Variants in GRID2 observed in about 807,000 individuals in gnomAD.
GRID2 encodes the protein glutamate ionotropic receptor delta type subunit 2, also known as glutamate receptor ionotropic, delta-2.
Under a neutral mutation model 114.8 loss-of-function variants are expected in GRID2, and 33 were observed. The ratio of observed to expected loss-of-function variants is 0.29; its 90% CI spans 0.22 to 0.38. The LOEUF is 0.38. GRID2 is among the 10% of genes least tolerant of loss of function. The probability of loss-of-function intolerance (pLI) is 1.00; values close to 1 mark genes in which losing one functional copy is unlikely to be tolerated. For synonymous variants in GRID2, 505 were observed against 449.9 expected, an observed-to-expected ratio of 1.12 and a Z score of -1.55; for missense variants, 1,184 against 1,257.7, an observed-to-expected ratio of 0.94 and a Z score of 0.89.
At chr4:92,990,307 G>GTA (rs1342685335) in intron 2 of GRID2, among the ~76,000 whole-genome samples, 10 of 106,780 alleles carry the variant, frequency 9.4e-5, no homozygotes, top group African/African-American at 2.2e-4. Context: ...ATATATATAT[G>GTA]TGTGTGTGTG....
intron 4 of GRID2, among the ~76,000 whole-genome samples, chr4:93,134,647 A>G (rs1469886720): frequency 6.6e-6 from 1 of 152,012 alleles, no homozygotes; most frequent in Admixed American, 6.6e-5. Context: ...TTTTACCTTT[A>G]TGCAAATATT....
chr4:93,023,129 GTA>G (rs1355431731), intron 2 of GRID2, among the ~76,000 whole-genome samples: 65 of 149,092 alleles, frequency 4.4e-4, no homozygotes, highest in Non-Finnish European at 6.6e-4. Context: ...GTGTGTGTAT[GTA>G]TGTGTGTGTG....
intron 8 of GRID2, among the ~76,000 whole-genome samples, chr4:93,373,326 C>A (rs1763097078): frequency 6.6e-6 from 1 of 151,412 alleles, no homozygotes; most frequent in African/African-American, 2.4e-5. Context: ...TTTTCCAGGA[C>A]AACCTAGAAA....
intron 10 of GRID2, among the ~76,000 whole-genome samples, chr4:93,445,651 T>C (rs1722025786): frequency 6.6e-6 from 1 of 151,994 alleles, no homozygotes; most frequent in Admixed American, 6.6e-5. Context: ...AAAATTCCTT[T>C]TCCCACATTT....
chr4:92,979,787 A>G (rs140516094), intron 2 of GRID2, among the ~76,000 whole-genome samples: 126 of 152,272 alleles, frequency 8.3e-4, no homozygotes, highest in Non-Finnish European at 1.0e-3. Context: ...GCCAGCTCAC[A>G]TTGCTTGTGC....
intron 1 of GRID2, among the ~76,000 whole-genome samples, chr4:92,514,554 G>C (rs564550939): frequency 1.3e-3 from 191 of 151,928 alleles, no homozygotes; most frequent in South Asian, 0.011. Context: ...TAGATATACT[G>C]TTACTACCAC....
intron 3 of GRID2, among the ~76,000 whole-genome samples, chr4:93,090,849 A>G (rs963272526): frequency 2.6e-5 from 4 of 152,124 alleles, no homozygotes; most frequent in African/African-American, 7.2e-5. Flanking sequence ...GTGGAAGACA[A>G]ACAAATATTA....
chr4:92,633,475 C>A (rs1317181386), intron 2 of GRID2, among the ~76,000 whole-genome samples: 1 of 152,104 alleles, frequency 6.6e-6, no homozygotes, highest in African/African-American at 2.4e-5. Flanking sequence ...TAGATAGCAA[C>A]AAATTTTTCA....
chr4:93,698,204 C>A (rs1370022022), intron 14 of GRID2, among the ~76,000 whole-genome samples: 1 of 151,880 alleles, frequency 6.6e-6, no homozygotes, highest in Non-Finnish European at 1.5e-5. Context: ...GCTGTGAATT[C>A]CAAATGCGTG....
chr4:92,647,978 A>G (rs1372000862), intron 2 of GRID2, among the ~76,000 whole-genome samples: 1 of 149,770 alleles, frequency 6.7e-6, no homozygotes, highest in Non-Finnish European at 1.5e-5. Flanking sequence ...TATACAGATT[A>G]AGGAAGTAAA....
chr4:92,935,131 C>T (rs1196400231), intron 2 of GRID2, among the ~76,000 whole-genome samples: 1 of 146,232 alleles, frequency 6.8e-6, no homozygotes, highest in Non-Finnish European at 1.5e-5. Flanking sequence ...ATTTTCACAA[C>T]CTACTCATCT....
Position 93,144,142 on chromosome 4 carries a change from A to C in GRID2, c.735+33189A>C, listed in dbSNP as rs530258418. Among the ~76,000 whole-genome samples, 8 of 152,284 alleles carry C rather than the reference A, an allele frequency of 5.3e-5. No homozygotes were observed. In the East Asian group the frequency reaches 1.5e-3, roughly 29 times the overall value. The stretch of plus-strand genomic sequence containing the variant: ...TAATTTACATTTCTAACAAGTTGCC[A>C]GGAGGTGCTCATATTGCTGGTCTAG... On this transcript the variant is annotated intron_variant, in intron 4 of 15. Coordinates refer to ENST00000282020, the MANE Select transcript of GRID2 (RefSeq NM_001510.4).
At chr4:93,230,832 G>C (rs775118989) in intron 7 of GRID2, among the ~76,000 whole-genome samples, 1 of 151,992 alleles carries the variant, frequency 6.6e-6, no homozygotes, top group Non-Finnish European at 1.5e-5. Context: ...CCCTATTTAA[G>C]TTTTAATATG....
At chr4:92,907,371 A>C (rs562371979) in intron 2 of GRID2, among the ~76,000 whole-genome samples, 10 of 152,206 alleles carry the variant, frequency 6.6e-5, no homozygotes, top group Non-Finnish European at 1.0e-4. Context: ...TACCTCTTAG[A>C]ATATTATCTA....
intron 14 of GRID2, among the ~76,000 whole-genome samples, chr4:93,766,284 C>G (rs1017614747): frequency 6.6e-6 from 1 of 152,132 alleles, no homozygotes; most frequent in Non-Finnish European, 1.5e-5. Flanking sequence ...TCACAGTTCC[C>G]CATGGCTGGG....
chr4:92,978,847 T>C (rs545459265), intron 2 of GRID2, among the ~76,000 whole-genome samples: 50 of 152,040 alleles, frequency 3.3e-4, no homozygotes, highest in Admixed American at 1.2e-3. Flanking sequence ...TGCAACATAG[T>C]GAGACCCTGT....
intron 2 of GRID2, among the ~76,000 whole-genome samples, chr4:92,989,683 A>C (rs1754746723): frequency 2.0e-5 from 3 of 152,304 alleles, no homozygotes; most frequent in African/African-American, 7.2e-5. Context: ...GACCCCAAAT[A>C]AATTACACAC....
At chr4:93,207,546 G>C (rs958148825) in intron 5 of GRID2, 89 bp downstream of exon 5, 2 of 796,898 alleles carry the variant, frequency 2.5e-6, no homozygotes, top group Non-Finnish European at 2.1e-6. Flanking sequence ...ATTTTTAAGC[G>C]GAAACAAAAC....
intron 13 of GRID2, among the ~76,000 whole-genome samples, chr4:93,555,263 T>A (rs1734203358): frequency 6.6e-6 from 1 of 152,054 alleles, no homozygotes; most frequent in African/African-American, 2.4e-5. Flanking sequence ...GACAGAACCT[T>A]TCCATCCCCT....
Sources: allele counts gnomAD v4.1 joint callset (sites outside exome capture counted in the v4.1 genomes callset), GRCh38; gene constraint gnomAD v4.1.1; transcripts MANE v1.5; gene names NCBI Gene and HGNC (gene_info 2026-07-23, HGNC 2026-07-21).